SMYD3: variants seen among roughly 807,000 people sequenced by gnomAD.
The protein encoded by SMYD3 is histone-lysine N-methyltransferase SMYD3.
A neutral mutation model predicts 57.7 loss-of-function variants in SMYD3; 36 were observed. That is an observed-to-expected ratio of 0.62 (90% CI 0.48 to 0.82). The LOEUF (loss-of-function observed/expected upper bound fraction) is 0.82. SMYD3 is among the 40% of genes least tolerant of loss of function. The probability of loss-of-function intolerance (pLI) is 0.00; values close to 1 mark genes in which losing one functional copy is unlikely to be tolerated. For missense variants in SMYD3, 515 were observed against 538.8 expected, an observed-to-expected ratio of 0.96 and a Z score of 0.44; for synonymous variants, 211 against 195.0, an observed-to-expected ratio of 1.08 and a Z score of -0.68.
At chr1:246,265,348 A>G (rs1168408415) in intron 5 of SMYD3, among the ~76,000 whole-genome samples, 1 of 151,624 alleles carries the variant, frequency 6.6e-6, no homozygotes, top group African/African-American at 2.4e-5. Context: ...TTTCTTGTCC[A>G]TGCTTGTCTT....
intron 5 of SMYD3, among the ~76,000 whole-genome samples, chr1:246,221,087 C>A (rs2063247027): frequency 6.6e-6 from 1 of 152,086 alleles, no homozygotes. Flanking sequence ...GTCTCTTACT[C>A]TAGGGCCTCC....
intron 5 of SMYD3, among the ~76,000 whole-genome samples, chr1:246,008,187 T>C (rs950381787): frequency 6.6e-6 from 1 of 152,218 alleles, no homozygotes; most frequent in Non-Finnish European, 1.5e-5. Flanking sequence ...AAGGCTGAAA[T>C]AGCCAGAGGT....
chr1:246,461,357 T>C (rs937772239), intron 1 of SMYD3, among the ~76,000 whole-genome samples: 1 of 152,232 alleles, frequency 6.6e-6, no homozygotes, highest in Non-Finnish European at 1.5e-5. Flanking sequence ...TGCAGAACAC[T>C]ACATATTTCT....
intron 1 of SMYD3, among the ~76,000 whole-genome samples, chr1:246,433,040 G>A (rs2067321004): frequency 6.6e-6 from 1 of 152,154 alleles, no homozygotes; most frequent in South Asian, 2.1e-4. Context: ...CTCTCTCTTT[G>A]CAGACAATAT....
At chr1:246,439,105 C>CGGG (rs35839272) in intron 1 of SMYD3, among the ~76,000 whole-genome samples, 81 of 125,270 alleles carry the variant, frequency 6.5e-4, no homozygotes, top group African/African-American at 1.8e-3. Context: ...TTGTTATTTT[C>CGGG]GGGGGGGGGG....
chr1:246,098,682 G>T lies in SMYD3; in HGVS notation c.532-168745C>A, dbSNP rs915945344. The stretch of plus-strand genomic sequence containing the variant: ...CAAAATTATGTTCATCACTTAGAAT[G>T]TGACATTGTATTTAGAAAGTCAGCT... On this transcript the variant is annotated intron_variant, in intron 5 of 11. Transcript: ENST00000490107. 3.3e-5 allele frequency among the ~76,000 whole-genome samples: 5 copies of T among 152,252 alleles called. No individual in the cohort carries two copies. The East Asian group carries it at 9.6e-4, about 29-fold the overall frequency.
chr1:246,212,228 A>G (rs1329461479), intron 5 of SMYD3, among the ~76,000 whole-genome samples: 1 of 152,112 alleles, frequency 6.6e-6, no homozygotes, highest in Non-Finnish European at 1.5e-5. Context: ...CAGTAATTGT[A>G]TATCTAGTCA....
intron 5 of SMYD3, among the ~76,000 whole-genome samples, chr1:246,029,763 C>T (rs2059637565): frequency 6.6e-6 from 1 of 151,376 alleles, no homozygotes; most frequent in Non-Finnish European, 1.5e-5. Context: ...CACTAATCAC[C>T]AGGGAAATAC....
At chr1:245,961,801 C>G (rs889717447) in intron 5 of SMYD3, among the ~76,000 whole-genome samples, 2 of 152,138 alleles carry the variant, frequency 1.3e-5, no homozygotes, top group African/African-American at 2.4e-5. Context: ...TATTTTGAGA[C>G]TGAGAATGTA....
intron 5 of SMYD3, among the ~76,000 whole-genome samples, chr1:246,277,658 A>G (rs2064360870): frequency 6.6e-6 from 1 of 152,242 alleles, no homozygotes; most frequent in African/African-American, 2.4e-5. Context: ...TGGATAAACA[A>G]ATTGTGTTAT....
At chr1:246,439,527 C>T (rs532002268) in intron 1 of SMYD3, among the ~76,000 whole-genome samples, 1 of 152,224 alleles carries the variant, frequency 6.6e-6, no homozygotes, top group African/African-American at 2.4e-5. Context: ...CTTTGGTAAC[C>T]CTCAAAGTAT....
At chr1:246,112,726 G>A (rs1303563794) in intron 5 of SMYD3, among the ~76,000 whole-genome samples, 1 of 152,010 alleles carries the variant, frequency 6.6e-6, no homozygotes, top group Admixed American at 6.6e-5. Flanking sequence ...CTACACTAAT[G>A]TACTTTTAAA....
intron 5 of SMYD3, among the ~76,000 whole-genome samples, chr1:246,036,539 C>CTCT (rs1333113216): frequency 2.1e-5 from 3 of 144,960 alleles, no homozygotes; most frequent in Non-Finnish European, 4.6e-5. Context: ...TTCTTTCTCT[C>CTCT]TTTTTTTTTT....
chr1:245,818,864 T>C (rs1391683835), intron 10 of SMYD3, among the ~76,000 whole-genome samples: 149 of 148,080 alleles, frequency 1.0e-3, no homozygotes, highest in African/African-American at 3.5e-3. Flanking sequence ...TATATATGCA[T>C]CCAATACAGG....
chr1:245,793,239 A>G (rs12756325), intron 10 of SMYD3, among the ~76,000 whole-genome samples: 11,504 of 151,490 alleles, frequency 0.076, 642 homozygotes, highest in East Asian at 0.25. Context: ...AACCCAGGAG[A>G]CGGAGCTTGA....
chr1:246,102,232 G>A (rs922192241), intron 5 of SMYD3, among the ~76,000 whole-genome samples: 6 of 151,998 alleles, frequency 3.9e-5, no homozygotes, highest in African/African-American at 9.7e-5. Context: ...AATCCACCTC[G>A]ATGTCCTACC....
chr1:246,375,328 T>C (rs2066258221), intron 1 of SMYD3, among the ~76,000 whole-genome samples: 3 of 1,862 alleles, frequency 1.6e-3, no homozygotes, highest in African/African-American at 6.2e-3. Context: ...TGAGAGACTT[T>C]TTTTTTTTTT....
intron 5 of SMYD3, among the ~76,000 whole-genome samples, chr1:245,960,451 C>G (rs1179371637): frequency 6.6e-6 from 1 of 152,132 alleles, no homozygotes; most frequent in Non-Finnish European, 1.5e-5. Context: ...TTTCTATTAC[C>G]AGCACTAAAG....
chr1:245,946,511 G>A (rs2057433005), intron 5 of SMYD3, among the ~76,000 whole-genome samples: 1 of 152,178 alleles, frequency 6.6e-6, no homozygotes, highest in South Asian at 2.1e-4. Context: ...GAAGCTATGA[G>A]TACAGTATCT....
Sources: gnomAD v4.1 joint callset for allele counts (sites outside exome capture counted in the v4.1 genomes callset) on GRCh38, gnomAD v4.1.1 for gene constraint, MANE v1.5 for transcripts, NCBI Gene and HGNC (gene_info 2026-07-23, HGNC 2026-07-21) for gene names.